The following ANK3 variants were observed in gnomAD, a reference collection of about 807,000 sequenced individuals.
The protein encoded by ANK3 is ankyrin-3.
In ANK3, 57 loss-of-function variants were observed where a neutral mutation model predicts 370.9. The ratio of observed to expected loss-of-function variants is 0.15; its 90% CI spans 0.12 to 0.19. The LOEUF is 0.19. ANK3 is among the 10% of genes least tolerant of loss of function. The pLI is 1.00. For missense variants in ANK3, 4,439 were observed against 5,302.1 expected (o/e 0.84, Z 5.06); for synonymous variants, 1,929 against 1,946.3 (o/e 0.99, Z 0.23).
chr10:60,528,749 A>G (rs2076536856), intron 2 of ANK3, among the ~76,000 whole-genome samples: 1 of 151,954 alleles, frequency 6.6e-6, no homozygotes. Context: ...TGTCTGTAGC[A>G]CCACTCCTCA....
chr10:60,232,063 C>T (rs999174159), intron 8 of ANK3, among the ~76,000 whole-genome samples: 1 of 152,146 alleles, frequency 6.6e-6, no homozygotes, highest in Non-Finnish European at 1.5e-5. Context: ...ATGTTTTTCT[C>T]CTGGCCCTCC....
intron 1 of ANK3, among the ~76,000 whole-genome samples, chr10:60,688,702 A>G (rs2079304595): frequency 6.6e-6 from 1 of 152,214 alleles, no homozygotes; most frequent in African/African-American, 2.4e-5. Context: ...TAATCCCAGC[A>G]CTTTAGGAGG....
intron 2 of ANK3, among the ~76,000 whole-genome samples, chr10:60,469,159 A>ATG (rs1362845686): frequency 3.2e-5 from 3 of 95,172 alleles, no homozygotes; most frequent in Non-Finnish European, 6.3e-5. Context: ...TTTAGTATAT[A>ATG]TGTGTGTGTG....
At chr10:60,147,792 A>G (rs1202401670) in intron 23 of ANK3, among the ~76,000 whole-genome samples, 1 of 152,140 alleles carries the variant, frequency 6.6e-6, no homozygotes, top group East Asian at 1.9e-4. Context: ...GGGCCTCCTC[A>G]GAAGCAGAAG....
At chr10:60,389,352 T>C in intron 1 of ANK3, 73 bp downstream of exon 1, 1 of 1,419,056 alleles carries the variant, frequency 7.0e-7, no homozygotes, top group Non-Finnish European at 9.8e-7. Flanking sequence ...CCTTAATGCT[T>C]CTAACAGATG....
chr10:60,239,803 C>A (rs2097397437), intron 7 of ANK3, among the ~76,000 whole-genome samples: 1 of 151,800 alleles, frequency 6.6e-6, no homozygotes, highest in Non-Finnish European at 1.5e-5. Context: ...ATGACAACAA[C>A]CACACATAGA....
intron 1 of ANK3, among the ~76,000 whole-genome samples, chr10:60,696,943 G>A (rs1158150549): frequency 2.1e-5 from 3 of 142,262 alleles, no homozygotes; most frequent in African/African-American, 8.0e-5. Flanking sequence ...TATTCAATTA[G>A]GAAAAGAGGA....
intron 2 of ANK3, among the ~76,000 whole-genome samples, chr10:60,613,685 T>C (rs762356600): frequency 1.3e-5 from 2 of 151,914 alleles, no homozygotes; most frequent in Admixed American, 6.6e-5. Flanking sequence ...AAAGTCTTAC[T>C]AGACTACATT....
At chr10:60,375,506 G>A (rs2060659105) in intron 1 of ANK3, among the ~76,000 whole-genome samples, 1 of 151,920 alleles carries the variant, frequency 6.6e-6, no homozygotes, top group Admixed American at 6.6e-5. Flanking sequence ...TGGGGGGGGA[G>A]GGGGGAAGGA....
intron 16 of ANK3, among the ~76,000 whole-genome samples, chr10:60,191,112 T>C (rs539868475): frequency 8.0e-4 from 122 of 152,240 alleles, no homozygotes; most frequent in Non-Finnish European, 1.6e-3. Context: ...TTAAATGTAA[T>C]ACCTGAAATC....
At chr10:60,045,228 C>CAATGTAAA (rs1371547234) in intron 42 of ANK3, among the ~76,000 whole-genome samples, 5 of 152,218 alleles carry the variant, frequency 3.3e-5, no homozygotes, top group African/African-American at 1.2e-4. Flanking sequence ...TTATCAGAGT[C>CAATGTAAA]ACTATCTTTT....
At position 60,071,909 on chromosome 10, in the gene ANK3, G is replaced by A; in HGVS notation, c.8972C>T (p.Ser2991Leu). 1.2e-6 allele frequency: 2 copies of A among 1,614,008 alleles called. No homozygotes were observed. Among genetic ancestry groups the A allele is most frequent in the Non-Finnish European group, 1.7e-6 (2 of 1,179,980 alleles). Residue 2991 changes from serine to leucine, a missense_variant, in exon 37 of 44, where the codon TCA becomes TTA. By Grantham distance (145) the Ser-to-Leu change is moderately radical. Transcript: ENST00000280772. ...EQSAFPKHELSQKLSQSSMSK... is the reference protein window; with the variant it reads ...EQSAFPKHELLQKLSQSSMSK... ...CATGCTTGACTGGGACAATTTTTGT[G>A]ATAGTTCATGTTTTGGAAATGCCGA...
chr10:60,137,373 G>GTAAAA (rs1554985689), intron 24 of ANK3: 1 of 56,188 alleles, frequency 1.8e-5, no homozygotes, highest in Non-Finnish European at 3.5e-5. Flanking sequence ...AGTAATTTTA[G>GTAAAA]GAAAAAAAAA....
intron 42 of ANK3, chr10:60,043,892 T>C (rs1051849118): frequency 4.1e-6 from 4 of 985,138 alleles, no homozygotes; most frequent in Non-Finnish European, 4.8e-6. Flanking sequence ...AAAAAAAGTA[T>C]GTAACAAAGA....
At chr10:60,203,692 G>A (rs2096718425) in intron 11 of ANK3, among the ~76,000 whole-genome samples, 1 of 152,114 alleles carries the variant, frequency 6.6e-6, no homozygotes, top group Non-Finnish European at 1.5e-5. Flanking sequence ...ATATTACAAT[G>A]GTCACTAGAC....
chr10:60,502,065 C>T (rs114316512), intron 2 of ANK3, among the ~76,000 whole-genome samples: 2 of 127,120 alleles, frequency 1.6e-5, no homozygotes, highest in African/African-American at 6.0e-5. Flanking sequence ...TACAGGATAC[C>T]CCAAATTTAA....
intron 7 of ANK3, among the ~76,000 whole-genome samples, chr10:60,252,374 T>G (rs1335083396): frequency 1.3e-5 from 2 of 152,188 alleles, no homozygotes; most frequent in African/African-American, 2.4e-5. Flanking sequence ...GTCTGGGGCA[T>G]GGCAGCCCCT....
chr10:60,085,610 C>CTTT (rs10601268), intron 30 of ANK3, among the ~76,000 whole-genome samples: 180 of 109,904 alleles, frequency 1.6e-3, no homozygotes, highest in Non-Finnish European at 2.0e-3. Context: ...GTCTCTTACT[C>CTTT]TTTTTTTTTT....
At chr10:60,619,101 T>C (rs1376976447) in intron 1 of ANK3, among the ~76,000 whole-genome samples, 1 of 151,926 alleles carries the variant, frequency 6.6e-6, no homozygotes, top group Non-Finnish European at 1.5e-5. Context: ...TTCTCCCATC[T>C]CTCTAACAGG....
Sources: gnomAD v4.1 joint callset for allele counts (sites outside exome capture counted in the v4.1 genomes callset) on GRCh38, gnomAD v4.1.1 for gene constraint, MANE v1.5 for transcripts, NCBI Gene and HGNC (gene_info 2026-07-23, HGNC 2026-07-21) for gene names.